Variants in KALRN observed in about 807,000 individuals in gnomAD.
KALRN encodes the protein kalirin.
KALRN carries 70 observed loss-of-function variants against 353.7 expected under a neutral mutation model. The ratio of observed to expected loss-of-function variants is 0.20; its 90% CI spans 0.16 to 0.24. The LOEUF is 0.24. Among genes scored for constraint, KALRN ranks in the 10% least tolerant of loss-of-function variants. KALRN has a pLI of 1.00. For missense variants in KALRN, 2,791 were observed against 3,756.7 expected (o/e 0.74, Z 6.72); for synonymous variants, 1,391 against 1,434.8 (o/e 0.97, Z 0.69).
intron 51 of KALRN, among the ~76,000 whole-genome samples, chr3:124,683,301 ACAC>A (rs2061421213): frequency 1.3e-5 from 2 of 152,132 alleles, no homozygotes; most frequent in Admixed American, 6.5e-5. Flanking sequence ...ATCTGCACTG[ACAC>A]CCCAGGCTCA....
chr3:124,149,090 G>C (rs997830352), intron 1 of KALRN, among the ~76,000 whole-genome samples: 1 of 152,202 alleles, frequency 6.6e-6, no homozygotes, highest in Non-Finnish European at 1.5e-5. Flanking sequence ...CACATTGAGT[G>C]AAAAATAGAG....
At chr3:124,154,765 A>C (rs1578711394) in intron 1 of KALRN, among the ~76,000 whole-genome samples, 1 of 152,294 alleles carries the variant, frequency 6.6e-6, no homozygotes, top group East Asian at 1.9e-4. Context: ...AACTACTTTA[A>C]AGTTCATATG....
chr3:124,518,759 T>G, intron 33 of KALRN: 5 of 1,341,716 alleles, frequency 3.7e-6, no homozygotes, highest in Non-Finnish European at 4.8e-6. Flanking sequence ...TGGCCCAATG[T>G]ACTTCCCCCA....
At position 124,334,711 on chromosome 3, in the gene KALRN, G is replaced by A. The variant is rs756230459; in HGVS notation, c.1647+216G>A. Among the ~76,000 whole-genome samples, 2 of 152,170 alleles carry A rather than the reference G, an allele frequency of 1.3e-5. No individual in the cohort carries two copies. The highest frequency in any genetic ancestry group is 2.9e-5 in the Non-Finnish European group (2 of 68,026). On this transcript the variant is annotated intron_variant, in intron 9 of 59. Coordinates refer to ENST00000682506, the MANE Select transcript of KALRN (RefSeq NM_001388419.1). The surrounding 1 kb of genome is among the most constrained non-coding windows in gnomAD (Gnocchi z 4.2). ...CTTGCCTAAGTGACTGTATAGACTG[G>A]CCTTCTCACCACGTGGTATTGTAAA...
chr3:124,616,342 A>G (rs1465109205), intron 34 of KALRN, among the ~76,000 whole-genome samples: 1 of 152,176 alleles, frequency 6.6e-6, no homozygotes, highest in African/African-American at 2.4e-5. Flanking sequence ...CAGGCTTCCC[A>G]CTGGCTTCTG....
At chr3:124,617,055 G>T (rs1019810586) in intron 34 of KALRN, among the ~76,000 whole-genome samples, 1 of 152,064 alleles carries the variant, frequency 6.6e-6, no homozygotes, top group Non-Finnish European at 1.5e-5. Context: ...GTGTTGGCTG[G>T]GCGTGGTGGC....
At chr3:124,574,213 A>G (rs1578085784) in intron 34 of KALRN, among the ~76,000 whole-genome samples, 1 of 152,240 alleles carries the variant, frequency 6.6e-6, no homozygotes, top group African/African-American at 2.4e-5. Flanking sequence ...GGAACATGTC[A>G]GGGCAAGCCA....
At chr3:124,399,504 C>A (rs566823623) in intron 13 of KALRN, among the ~76,000 whole-genome samples, 2 of 152,282 alleles carry the variant, frequency 1.3e-5, no homozygotes, top group South Asian at 4.2e-4. Context: ...ATCCATGGAG[C>A]TGGTAGTTTG....
At chr3:124,675,000 A>G (rs2086987060) in intron 49 of KALRN, 1 of 146,384 alleles carries the variant, frequency 6.8e-6, no homozygotes, top group South Asian at 2.2e-4. Flanking sequence ...GTATTAAGTA[A>G]CTGATATATA....
At chr3:124,497,486 G>A (rs1198362317) in intron 33 of KALRN, among the ~76,000 whole-genome samples, 4 of 152,196 alleles carry the variant, frequency 2.6e-5, no homozygotes, top group Admixed American at 6.5e-5. Context: ...ACCTTAGTGT[G>A]GGGACTGTGC....
intron 1 of KALRN, among the ~76,000 whole-genome samples, chr3:124,127,333 C>T (rs1205486281): frequency 6.6e-6 from 1 of 152,120 alleles, no homozygotes; most frequent in Admixed American, 6.5e-5. Context: ...CTTAAAGTGT[C>T]CCTGAGACCA....
intron 1 of KALRN, among the ~76,000 whole-genome samples, chr3:124,196,227 GT>G (rs1177262673): frequency 2.5e-4 from 38 of 152,280 alleles, no homozygotes; most frequent in Non-Finnish European, 1.8e-4. Flanking sequence ...TGCAGGTGGG[GT>G]CTTTTTCAGG....
At chr3:124,066,177 T>C (rs1010360658) in intron 1 of KALRN, among the ~76,000 whole-genome samples, 6 of 152,250 alleles carry the variant, frequency 3.9e-5, no homozygotes, top group African/African-American at 1.4e-4. Flanking sequence ...GTTGCTCATC[T>C]GTGCTCAGAA....
At chr3:124,192,826 C>A (rs1313005099) in intron 1 of KALRN, among the ~76,000 whole-genome samples, 2 of 152,170 alleles carry the variant, frequency 1.3e-5, no homozygotes, top group African/African-American at 4.8e-5. Flanking sequence ...TAATCTTGGA[C>A]TTCTAGTTTC....
intron 7 of KALRN, among the ~76,000 whole-genome samples, chr3:124,326,929 G>A (rs1042559397): frequency 6.6e-6 from 1 of 152,106 alleles, no homozygotes; most frequent in Admixed American, 6.5e-5. Context: ...ACAACATATT[G>A]TTATTACCTA....
intron 34 of KALRN, among the ~76,000 whole-genome samples, chr3:124,563,981 G>C (rs547967041): frequency 1.9e-4 from 28 of 147,584 alleles, no homozygotes; most frequent in African/African-American, 6.8e-4. Context: ...ACTCCAGCCT[G>C]GGCAACAGAG....
chr3:124,130,791 A>T (rs1211177624), intron 1 of KALRN, among the ~76,000 whole-genome samples: 1 of 152,234 alleles, frequency 6.6e-6, no homozygotes, highest in Non-Finnish European at 1.5e-5. Context: ...ACAGAATGTT[A>T]TACAGAAAAG....
At chr3:124,576,394 C>G (rs1335449308) in intron 34 of KALRN, among the ~76,000 whole-genome samples, 1 of 152,018 alleles carries the variant, frequency 6.6e-6, no homozygotes, top group Admixed American at 6.6e-5. Flanking sequence ...CATCAGGGAC[C>G]TCTGCAGAGT....
intron 25 of KALRN, among the ~76,000 whole-genome samples, chr3:124,474,280 G>A (rs190958289): frequency 2.4e-4 from 36 of 152,136 alleles, no homozygotes; most frequent in African/African-American, 7.5e-4. Flanking sequence ...CTAGGATAGC[G>A]ATATTTTATT....
Sources: gnomAD v4.1 joint callset for allele counts (sites outside exome capture counted in the v4.1 genomes callset) on GRCh38, gnomAD v4.1.1 for gene constraint, Gnocchi (gnomAD v3.1) non-coding constraint, MANE v1.5 for transcripts, NCBI Gene and HGNC (gene_info 2026-07-23, HGNC 2026-07-21) for gene names.